ROBO2: variants seen among roughly 807,000 people sequenced by gnomAD.
ROBO2 encodes roundabout guidance receptor 2, also known as roundabout homolog 2.
ROBO2 carries 53 observed loss-of-function variants against 160.8 expected under a neutral mutation model. That is an observed-to-expected ratio of 0.33 (90% CI 0.26 to 0.41). ROBO2 has a LOEUF of 0.41. Among genes scored for constraint, ROBO2 ranks in the 10% least tolerant of loss-of-function variants. The pLI is 1.00. For missense variants in ROBO2, 1,577 were observed against 1,722.4 expected (o/e 0.92, Z 1.49); for synonymous variants, 664 against 611.7 (o/e 1.09, Z -1.26).
chr3:76,377,071 G>A (rs1414658741), intron 2 of ROBO2, among the ~76,000 whole-genome samples: 1 of 152,068 alleles, frequency 6.6e-6, no homozygotes, highest in Non-Finnish European at 1.5e-5. Context: ...GCCCGGGTTG[G>A]GCTGGTCCTG....
At chr3:76,079,482 GT>G (rs35755828) in intron 2 of ROBO2, among the ~76,000 whole-genome samples, 61 of 137,218 alleles carry the variant, frequency 4.4e-4, no homozygotes, top group East Asian at 6.3e-4. Context: ...ATTATTATTA[GT>G]TTTTTTTTTT....
chr3:77,124,457 G>C (rs1011453278), intron 2 of ROBO2, among the ~76,000 whole-genome samples: 1 of 152,100 alleles, frequency 6.6e-6, no homozygotes, highest in Non-Finnish European at 1.5e-5. Context: ...AAGCTAACAG[G>C]AGCCACAAAT....
chr3:77,319,633 G>A (rs557133987), intron 2 of ROBO2, among the ~76,000 whole-genome samples: 3 of 152,204 alleles, frequency 2.0e-5, no homozygotes, highest in South Asian at 2.1e-4. Context: ...CAAAGAAGAC[G>A]CTTTTGTATC....
chr3:77,454,838 G>A (rs1409227545), intron 2 of ROBO2, among the ~76,000 whole-genome samples: 2 of 152,116 alleles, frequency 1.3e-5, no homozygotes, highest in East Asian at 1.9e-4. Flanking sequence ...ATAATGCTAA[G>A]ATCATTTGTT....
chr3:76,163,522 GTTATA>G (rs968655830), intron 2 of ROBO2, among the ~76,000 whole-genome samples: 60 of 148,618 alleles, frequency 4.0e-4, no homozygotes, highest in African/African-American at 1.4e-3. Context: ...TTTATATAAT[GTTATA>G]TTGTATATGA....
At chr3:76,580,342 G>GTTTTTTTTTTTTTTTTTT (rs71101901) in intron 2 of ROBO2, among the ~76,000 whole-genome samples, 1 of 90,562 alleles carries the variant, frequency 1.1e-5, no homozygotes, top group Non-Finnish European at 2.1e-5. Context: ...TTTTTTTTGT[G>GTTTTTTTTTTTTTTTTTT]TTTTTTTTTT....
chr3:77,193,751 T>A (rs1001781450), intron 2 of ROBO2, among the ~76,000 whole-genome samples: 1 of 152,088 alleles, frequency 6.6e-6, no homozygotes, highest in Non-Finnish European at 1.5e-5. Flanking sequence ...TTTGAACAAG[T>A]TCTTGTTCTG....
intron 2 of ROBO2, among the ~76,000 whole-genome samples, chr3:76,713,383 A>T (rs938186738): frequency 2.6e-5 from 4 of 152,146 alleles, no homozygotes; most frequent in East Asian, 3.9e-4. Flanking sequence ...TATGCATTTT[A>T]AAAAGATTTT....
intron 2 of ROBO2, among the ~76,000 whole-genome samples, chr3:76,404,629 T>C (rs939991050): frequency 1.3e-5 from 2 of 148,638 alleles, no homozygotes; most frequent in Admixed American, 1.3e-4. Flanking sequence ...CTTAGGCACA[T>C]TTTACTTTAT....
At chr3:76,021,682 A>G (rs1174211996) in intron 2 of ROBO2, among the ~76,000 whole-genome samples, 2 of 151,878 alleles carry the variant, frequency 1.3e-5, no homozygotes, top group African/African-American at 4.8e-5. Flanking sequence ...AAGTATGTCT[A>G]AAAACAATGC....
chr3:77,476,824 G>A (rs950178005), intron 2 of ROBO2, among the ~76,000 whole-genome samples: 10 of 152,128 alleles, frequency 6.6e-5, no homozygotes, highest in Admixed American at 4.6e-4. Context: ...GATGTCACTC[G>A]GCAGGTGGAG....
At chr3:77,371,816 G>A (rs937799697) in intron 2 of ROBO2, among the ~76,000 whole-genome samples, 10 of 152,124 alleles carry the variant, frequency 6.6e-5, no homozygotes, top group African/African-American at 2.2e-4. Context: ...ATGTGTTACC[G>A]TTAAACACTT....
intron 2 of ROBO2, among the ~76,000 whole-genome samples, chr3:76,408,705 T>C (rs1290243068): frequency 6.6e-6 from 1 of 152,090 alleles, no homozygotes; most frequent in Non-Finnish European, 1.5e-5. Context: ...CAGAGAGGGA[T>C]AGTTAAGATA....
At chr3:75,928,124 A>T (rs1947364829) in intron 1 of ROBO2, among the ~76,000 whole-genome samples, 1 of 151,676 alleles carries the variant, frequency 6.6e-6, no homozygotes, top group Admixed American at 6.6e-5. Context: ...AGCTGGGATT[A>T]CAGGCGTGAG....
At chr3:76,326,047 A>G (rs1038832014) in intron 2 of ROBO2, among the ~76,000 whole-genome samples, 5 of 152,156 alleles carry the variant, frequency 3.3e-5, no homozygotes, top group African/African-American at 1.2e-4. Flanking sequence ...AAAATCATGA[A>G]TATGTTATTT....
chr3:77,358,598 A>G (rs1307673179), intron 2 of ROBO2, among the ~76,000 whole-genome samples: 1 of 152,232 alleles, frequency 6.6e-6, no homozygotes, highest in Non-Finnish European at 1.5e-5. Context: ...AAAATAAATT[A>G]AAATATGTTA....
chr3:76,534,759 A>G (rs1020265796), intron 2 of ROBO2, among the ~76,000 whole-genome samples: 5 of 152,116 alleles, frequency 3.3e-5, no homozygotes, highest in Non-Finnish European at 4.4e-5. Context: ...TCAATTTGCC[A>G]ATCTTGTGTC....
At chr3:77,162,352 A>G (rs888905024) in intron 2 of ROBO2, among the ~76,000 whole-genome samples, 1 of 152,230 alleles carries the variant, frequency 6.6e-6, no homozygotes, top group Non-Finnish European at 1.5e-5. Flanking sequence ...TATTAAAATA[A>G]TATTTAGCTT....
intron 1 of ROBO2, among the ~76,000 whole-genome samples, chr3:75,927,981 T>C (rs1277290858): frequency 0.27 from 3,403 of 12,642 alleles, 222 homozygotes; most frequent in Non-Finnish European, 0.49. Flanking sequence ...TCTCTCTTTT[T>C]TTTTTTTTTT....
Sources: allele counts gnomAD v4.1 joint callset (sites outside exome capture counted in the v4.1 genomes callset), GRCh38; gene constraint gnomAD v4.1.1; transcripts MANE v1.5; gene names NCBI Gene and HGNC (gene_info 2026-07-23, HGNC 2026-07-21).